NTNG1: variants seen among roughly 807,000 people sequenced by gnomAD.
NTNG1 encodes netrin-G1.
NTNG1 carries 16 observed loss-of-function variants against 54.0 expected under a neutral mutation model. The observed-to-expected ratio is 0.30, with a 90% confidence interval of 0.20 to 0.45. NTNG1 has a LOEUF of 0.45. Among genes scored for constraint, NTNG1 ranks in the 20% least tolerant of loss-of-function variants. The probability of loss-of-function intolerance (pLI) is 1.00; values close to 1 mark genes in which losing one functional copy is unlikely to be tolerated. For missense variants in NTNG1, 530 were observed against 678.7 expected (o/e 0.78, Z 2.43); for synonymous variants, 255 against 263.1 (o/e 0.97, Z 0.30).
intron 2 of NTNG1, among the ~76,000 whole-genome samples, chr1:107,286,493 G>A (rs370474013): frequency 6.6e-6 from 1 of 152,102 alleles, no homozygotes; most frequent in South Asian, 2.1e-4. Flanking sequence ...TGAACGCCGT[G>A]GAGGATTGCA....
intron 5 of NTNG1, among the ~76,000 whole-genome samples, chr1:107,418,153 A>G (rs182662771): frequency 6.6e-6 from 1 of 152,168 alleles, no homozygotes; most frequent in African/African-American, 2.4e-5. Flanking sequence ...CGAAGAATCT[A>G]TCATGAAAGA....
intron 2 of NTNG1, among the ~76,000 whole-genome samples, chr1:107,239,602 A>T (rs1449079430): frequency 6.6e-6 from 1 of 152,230 alleles, no homozygotes; most frequent in African/African-American, 2.4e-5. Context: ...ACCAAAATCC[A>T]AACATTGAGA....
chr1:107,163,375 T>C (rs559012663), intron 2 of NTNG1, among the ~76,000 whole-genome samples: 2 of 152,194 alleles, frequency 1.3e-5, no homozygotes, highest in African/African-American at 2.4e-5. Flanking sequence ...GGGCCTGGCA[T>C]ATAGTAAATA....
At chr1:107,379,853 T>C (rs550848963) in intron 3 of NTNG1, among the ~76,000 whole-genome samples, 4 of 152,290 alleles carry the variant, frequency 2.6e-5, no homozygotes, top group African/African-American at 9.6e-5. Flanking sequence ...TTGGAGCATT[T>C]TGGACTTGAG....
intron 2 of NTNG1, among the ~76,000 whole-genome samples, chr1:107,173,849 A>G (rs901698527): frequency 6.6e-6 from 1 of 151,484 alleles, no homozygotes; most frequent in African/African-American, 2.4e-5. Context: ...GGTAGATTTG[A>G]TTTTTAGCAT....
intron 3 of NTNG1, among the ~76,000 whole-genome samples, chr1:107,326,699 A>G (rs1419887203): frequency 6.6e-6 from 1 of 152,050 alleles, no homozygotes; most frequent in Non-Finnish European, 1.5e-5. Context: ...AAAATACTTA[A>G]TCTGAGCCCA....
chr1:107,186,359 G>A (rs763160900), intron 2 of NTNG1, among the ~76,000 whole-genome samples: 11 of 152,082 alleles, frequency 7.2e-5, no homozygotes, highest in African/African-American at 1.2e-4. Context: ...TCAGCACCAA[G>A]TGGCAATAAA....
chr1:107,209,338 C>CA (rs1659440425), intron 2 of NTNG1, among the ~76,000 whole-genome samples: 2 of 151,864 alleles, frequency 1.3e-5, no homozygotes, highest in Non-Finnish European at 2.9e-5. Flanking sequence ...GAGCTGTAGT[C>CA]ATGATGAAGA....
chr1:107,348,326 A>G (rs771623154), intron 3 of NTNG1, among the ~76,000 whole-genome samples: 7 of 151,976 alleles, frequency 4.6e-5, no homozygotes, highest in African/African-American at 1.7e-4. Flanking sequence ...GCGTTTTGCC[A>G]TGTTGGCCAG....
chr1:107,269,219 G>C (rs182503982), intron 2 of NTNG1, among the ~76,000 whole-genome samples: 1 of 152,216 alleles, frequency 6.6e-6, no homozygotes, highest in African/African-American at 2.4e-5. Flanking sequence ...ACATCTTCAA[G>C]GATGCCTTCA....
At chr1:107,158,301 A>G (rs980983882) in intron 2 of NTNG1, among the ~76,000 whole-genome samples, 10 of 152,190 alleles carry the variant, frequency 6.6e-5, no homozygotes, top group Non-Finnish European at 1.5e-4. Flanking sequence ...AGATTGGAAA[A>G]AACTTACTGA....
intron 5 of NTNG1, among the ~76,000 whole-genome samples, chr1:107,421,808 T>A (rs970936792): frequency 1.1e-4 from 16 of 152,138 alleles, no homozygotes; most frequent in African/African-American, 3.9e-4. Flanking sequence ...CACCATTTTT[T>A]CTTTAAATGT....
intron 2 of NTNG1, among the ~76,000 whole-genome samples, chr1:107,154,082 G>A (rs1229382694): frequency 3.9e-5 from 6 of 152,062 alleles, no homozygotes; most frequent in South Asian, 2.1e-4. Flanking sequence ...AACTAATGTC[G>A]AATAATATAT....
At chr1:107,159,716 T>C (rs1375564712) in intron 2 of NTNG1, among the ~76,000 whole-genome samples, 1 of 152,194 alleles carries the variant, frequency 6.6e-6, no homozygotes, top group African/African-American at 2.4e-5. Context: ...TGATTTGGGC[T>C]GTGAGCTACA....
intron 3 of NTNG1, among the ~76,000 whole-genome samples, chr1:107,381,791 A>G (rs1383639939): frequency 2.6e-5 from 4 of 152,242 alleles, no homozygotes; most frequent in Non-Finnish European, 4.4e-5. Context: ...CATGGGCTAC[A>G]TAAAGTCATC....
chr1:107,340,140 T>G (rs1668815328), intron 3 of NTNG1, among the ~76,000 whole-genome samples: 1 of 152,110 alleles, frequency 6.6e-6, no homozygotes, highest in Non-Finnish European at 1.5e-5. Flanking sequence ...GAAATTCTCC[T>G]TATTAATCAT....
chr1:107,371,600 C>T (rs1416996953), intron 3 of NTNG1, among the ~76,000 whole-genome samples: 1 of 151,852 alleles, frequency 6.6e-6, no homozygotes, highest in Non-Finnish European at 1.5e-5. Context: ...ATAAATTGAA[C>T]TTGTAGTTAG....
At chr1:107,401,241 G>C (rs927762212) in intron 4 of NTNG1, among the ~76,000 whole-genome samples, 1 of 152,116 alleles carries the variant, frequency 6.6e-6, no homozygotes, top group Non-Finnish European at 1.5e-5. Context: ...TTTACTGCCT[G>C]GGTGGCTTGA....
chr1:107,197,720 A>G (rs1161603764), intron 2 of NTNG1, among the ~76,000 whole-genome samples: 1 of 151,958 alleles, frequency 6.6e-6, no homozygotes, highest in Non-Finnish European at 1.5e-5. Context: ...ACATTAGAAT[A>G]CACATTCACG....
Sources: gnomAD v4.1 joint callset for allele counts (sites outside exome capture counted in the v4.1 genomes callset) on GRCh38, gnomAD v4.1.1 for gene constraint, MANE v1.5 for transcripts, NCBI Gene and HGNC (gene_info 2026-07-23, HGNC 2026-07-21) for gene names.